Variants in FAM114A2 observed in about 807,000 individuals in gnomAD.
The protein encoded by FAM114A2 is family with sequence similarity 114 member A2, also known as protein FAM114A2.
A neutral mutation model predicts 58.4 loss-of-function variants in FAM114A2; 53 were observed. The ratio of observed to expected loss-of-function variants is 0.91; its 90% CI spans 0.73 to 1.14. FAM114A2 has a LOEUF of 1.14. Ranked by LOEUF, FAM114A2 falls within the 50% of genes most tolerant of loss-of-function variation. FAM114A2 has a pLI of 0.00. For synonymous variants in FAM114A2, 228 were observed against 211.4 expected, an observed-to-expected ratio of 1.08 and a Z score of -0.68; for missense variants, 601 against 581.1, an observed-to-expected ratio of 1.03 and a Z score of -0.35.
At chr5:153,998,021 C>G (rs1769698613) in intron 11 of FAM114A2, 146 bp from the exon 12 acceptor site, 1 of 501,452 alleles carries the variant, frequency 2.0e-6, no homozygotes, top group African/African-American at 2.0e-5. Context: ...CAGTATCCCC[C>G]CCTTATCTGT....
chr5:154,014,792 A>T (rs577616617), intron 8 of FAM114A2, among the ~76,000 whole-genome samples: 1 of 152,234 alleles, frequency 6.6e-6, no homozygotes, highest in South Asian at 2.1e-4. Flanking sequence ...ACTGATGGAG[A>T]AGTCTCCTGA....
chr5:153,996,235 C>A (rs1233596789), intron 12 of FAM114A2, among the ~76,000 whole-genome samples: 3 of 152,104 alleles, frequency 2.0e-5, no homozygotes, highest in Non-Finnish European at 2.9e-5. Context: ...AGTCCAGAAA[C>A]AAACCCATAT....
At chr5:154,017,715 A>T (rs1230602836) in intron 8 of FAM114A2, among the ~76,000 whole-genome samples, 2 of 152,178 alleles carry the variant, frequency 1.3e-5, no homozygotes, top group African/African-American at 2.4e-5. Flanking sequence ...TCTATAAATT[A>T]AAAAAAGTGA....
intron 9 of FAM114A2, among the ~76,000 whole-genome samples, chr5:154,008,756 C>G (rs890065846): frequency 9.9e-5 from 15 of 152,100 alleles, no homozygotes; most frequent in African/African-American, 3.4e-4. Flanking sequence ...AAACACTTCC[C>G]TGTTCCAAGC....
At chr5:154,014,092 T>C (rs1286837075) in intron 8 of FAM114A2, among the ~76,000 whole-genome samples, 2 of 152,230 alleles carry the variant, frequency 1.3e-5, no homozygotes, top group African/African-American at 4.8e-5. Context: ...CATGCTATAC[T>C]GCCTTCTCAA....
chr5:153,999,528 G>T (rs1307556305), intron 11 of FAM114A2, among the ~76,000 whole-genome samples: 1 of 151,908 alleles, frequency 6.6e-6, no homozygotes, highest in Non-Finnish European at 1.5e-5. Flanking sequence ...CAGCTACTCA[G>T]GAGGCGGAGG....
chr5:154,026,499 C>G lies in FAM114A2; in HGVS notation c.813G>C (p.Leu271=). ...EIKVKSILNS[L]SGEELETLKV... ...TTAGAGTCTCTAATTCTTCTCCACTCAGAGAATTAAGGATAGATTTCACCT... is the reference window on the plus strand; with the variant it reads ...TTAGAGTCTCTAATTCTTCTCCACTGAGAGAATTAAGGATAGATTTCACCT... The change falls in exon 8 of 14, where the codon CTG becomes CTC. Residue 271 remains leucine, a synonymous_variant. Transcript: ENST00000351797. 6.5e-7 allele frequency: 1 copy of G among 1,540,342 alleles called. No individual in the cohort carries two copies. The highest frequency in any genetic ancestry group is 8.7e-7 in the Non-Finnish European group (1 of 1,143,566).
intron 1 of FAM114A2, chr5:154,037,207 G>A (rs1772624704): frequency 6.6e-6 from 1 of 152,266 alleles, no homozygotes; most frequent in Admixed American, 6.5e-5. Flanking sequence ...AGTTACAGTA[G>A]GGAGTAGTTA....
Position 154,002,907 on chromosome 5 carries a change from T to C in FAM114A2, c.1056A>G (p.Glu352=), listed in dbSNP as rs1166492845. Residue 352 remains glutamate, a synonymous_variant, in exon 10 of 14, where the codon GAA becomes GAG. Transcript: ENST00000351797. ...KSLTKPLAEN[E]EGEKQSEAEN... ...CTGCTTCCGACTGTTTTTCTCCTTC[T>C]TCATTCTCTGCTAATGGCTTGGTCA... 3 of 1,614,092 alleles carry C rather than the reference T, an allele frequency of 1.9e-6. No individual in the cohort carries two copies. The East Asian group carries it at 6.7e-5, about 36-fold the overall frequency.
intron 4 of FAM114A2, among the ~76,000 whole-genome samples, chr5:154,032,086 C>T (rs1298532899): frequency 6.6e-6 from 1 of 152,220 alleles, no homozygotes; most frequent in Non-Finnish European, 1.5e-5. Context: ...AATGTGGATT[C>T]AGTGAACACT....
intron 9 of FAM114A2, among the ~76,000 whole-genome samples, chr5:154,010,425 C>T (rs1465109856): frequency 2.6e-5 from 4 of 152,136 alleles, no homozygotes; most frequent in East Asian, 3.8e-4. Flanking sequence ...GCAGCATTTT[C>T]GATGGGCATA....
chr5:153,993,087 G>C lies in FAM114A2; in HGVS notation c.1407C>G (p.Ile469Met), dbSNP rs1769335667. Residue 469 changes from isoleucine to methionine, a missense_variant, in exon 14 of 14, where the codon ATC becomes ATG. Ile to Met is a conservative substitution (Grantham distance 10). Transcript: ENST00000351797. ...FLEASNSASY[I>M]QDAFQLLLPV... ...GTAAGAGTAGCTGAAAGGCGTCCTG[G>C]ATGTAGGAGGCACTGTTTGATGCCT... The C allele has an allele frequency of 3.7e-6, 6 of 1,611,268 alleles. No individual in the cohort carries two copies. The East Asian group carries it at 1.3e-4, about 36-fold the overall frequency.
chr5:154,037,573 C>CTA (rs1458843627), intron 1 of FAM114A2, among the ~76,000 whole-genome samples: 1 of 152,144 alleles, frequency 6.6e-6, no homozygotes, highest in African/African-American at 2.4e-5. Context: ...TAAATGTTTC[C>CTA]TATCTTTTCC....
intron 8 of FAM114A2, among the ~76,000 whole-genome samples, chr5:154,023,790 GA>G (rs1019559227): frequency 6.6e-6 from 1 of 151,268 alleles, no homozygotes; most frequent in African/African-American, 2.4e-5. Context: ...AAAAAAAATT[GA>G]AAAAAACAGA....
At chr5:154,024,117 A>C (rs996684841) in intron 8 of FAM114A2, among the ~76,000 whole-genome samples, 4 of 152,212 alleles carry the variant, frequency 2.6e-5, no homozygotes, top group African/African-American at 9.6e-5. Flanking sequence ...ATAAATGAAC[A>C]GAAAGAAATA....
At chr5:154,003,784 A>G (rs1209216751) in intron 9 of FAM114A2, among the ~76,000 whole-genome samples, 3 of 152,238 alleles carry the variant, frequency 2.0e-5, no homozygotes, top group Admixed American at 6.5e-5. Flanking sequence ...TAAGCACAAC[A>G]TAATGTCTGT....
intron 11 of FAM114A2, among the ~76,000 whole-genome samples, chr5:154,000,830 C>T (rs975384826): frequency 8.5e-5 from 13 of 152,112 alleles, no homozygotes; most frequent in African/African-American, 3.1e-4. Flanking sequence ...CAACATCATA[C>T]TCAAAATACC....
At chr5:154,001,644 A>G (rs1769979900) in intron 11 of FAM114A2, among the ~76,000 whole-genome samples, 1 of 152,204 alleles carries the variant, frequency 6.6e-6, no homozygotes, top group African/African-American at 2.4e-5. Context: ...ATTTGCTTAG[A>G]AACTACTGGG....
chr5:154,029,004 G>T (rs893327440), intron 5 of FAM114A2, among the ~76,000 whole-genome samples: 3 of 151,968 alleles, frequency 2.0e-5, no homozygotes, highest in African/African-American at 7.3e-5. Flanking sequence ...TCAATAAAAA[G>T]TTAAAATTTA....
Sources: gnomAD v4.1 joint callset for allele counts (sites outside exome capture counted in the v4.1 genomes callset) on GRCh38, gnomAD v4.1.1 for gene constraint, MANE v1.5 for transcripts, NCBI Gene and HGNC (gene_info 2026-07-23, HGNC 2026-07-21) for gene names.